TEAD1: variants seen among roughly 807,000 people sequenced by gnomAD.
TEAD1 encodes the protein transcriptional enhancer factor TEF-1.
A neutral mutation model predicts 54.9 loss-of-function variants in TEAD1; 9 were observed. The observed-to-expected ratio is 0.16, with a 90% CI of 0.10 to 0.29. TEAD1 has a LOEUF of 0.29. Ranked by LOEUF, TEAD1 falls within the 10% of genes least tolerant of loss-of-function variation. TEAD1 has a pLI of 1.00. For synonymous variants in TEAD1, 200 were observed against 187.8 expected, an observed-to-expected ratio of 1.07 and a Z score of -0.53; for missense variants, 387 against 535.9, an observed-to-expected ratio of 0.72 and a Z score of 2.74.
chr11:12,767,723 G>T (rs1020442023), intron 3 of TEAD1, among the ~76,000 whole-genome samples: 5 of 152,174 alleles, frequency 3.3e-5, no homozygotes, highest in African/African-American at 1.2e-4. Flanking sequence ...TCTGCTGTGG[G>T]CACCCTTATG....
intron 7 of TEAD1, 43 bp downstream of exon 7, chr11:12,881,094 C>T: frequency 6.2e-7 from 1 of 1,603,972 alleles, no homozygotes; most frequent in South Asian, 1.1e-5. Flanking sequence ...ACGGGCTGGT[C>T]CCAGCCCACG....
intron 2 of TEAD1, among the ~76,000 whole-genome samples, chr11:12,700,440 C>G (rs1943674915): frequency 6.6e-6 from 1 of 152,150 alleles, no homozygotes; most frequent in Admixed American, 6.5e-5. Flanking sequence ...ACCAGGTACT[C>G]AAGGTTTAAA....
At chr11:12,868,320 CCT>C (rs1219131032) in intron 5 of TEAD1, among the ~76,000 whole-genome samples, 3 of 152,288 alleles carry the variant, frequency 2.0e-5, no homozygotes, top group African/African-American at 7.2e-5. Context: ...TGAAAAGCCC[CCT>C]GTTTTAGGCA....
At chr11:12,922,997 C>T (rs1408128505) in intron 10 of TEAD1, 2 of 150,886 alleles carry the variant, frequency 1.3e-5, no homozygotes, top group African/African-American at 4.9e-5. Flanking sequence ...GTCAGATCCA[C>T]GTACCTCTGC....
At chr11:12,700,623 T>A (rs1401294830) in intron 2 of TEAD1, among the ~76,000 whole-genome samples, 2 of 152,184 alleles carry the variant, frequency 1.3e-5, no homozygotes, top group African/African-American at 2.4e-5. Flanking sequence ...ATAGGAGGAT[T>A]TCTAGAAATT....
At chr11:12,737,911 G>A (rs748416139) in intron 2 of TEAD1, among the ~76,000 whole-genome samples, 7 of 152,202 alleles carry the variant, frequency 4.6e-5, no homozygotes, top group Admixed American at 6.5e-5. Context: ...ACAGTTCCAT[G>A]TGGTTGGGGA....
intron 3 of TEAD1, among the ~76,000 whole-genome samples, chr11:12,776,777 TATTATTATTATTATTATTATTATC>T (rs1420915079): frequency 1.6e-4 from 20 of 126,556 alleles, no homozygotes; most frequent in African/African-American, 9.5e-4. Context: ...TTATTATTAT[TATTATTATTATTATTATTATTATC>T]ATTATTATTA....
At chr11:12,722,729 A>G (rs1461628299) in intron 2 of TEAD1, among the ~76,000 whole-genome samples, 2 of 151,964 alleles carry the variant, frequency 1.3e-5, no homozygotes, top group Admixed American at 1.3e-4. Context: ...TTCATCCAGA[A>G]CTAGCTCAGT....
intron 5 of TEAD1, among the ~76,000 whole-genome samples, chr11:12,877,000 T>G (rs1439808831): frequency 6.6e-6 from 1 of 152,180 alleles, no homozygotes; most frequent in Admixed American, 6.5e-5. Context: ...CCCATACACT[T>G]CAAGATTTGC....
intron 3 of TEAD1, among the ~76,000 whole-genome samples, chr11:12,859,043 A>T (rs1203144971): frequency 6.6e-6 from 1 of 152,208 alleles, no homozygotes; most frequent in East Asian, 1.9e-4. Context: ...ATTTTATGGG[A>T]CCACCATCAT....
At chr11:12,815,162 A>AG (rs1287513936) in intron 3 of TEAD1, among the ~76,000 whole-genome samples, 1 of 152,010 alleles carries the variant, frequency 6.6e-6, no homozygotes, top group East Asian at 1.9e-4. Context: ...CAAATCTCAG[A>AG]GGGGGTGAGT....
chr11:12,681,960 T>A (rs1360150696), intron 2 of TEAD1, among the ~76,000 whole-genome samples: 1 of 152,216 alleles, frequency 6.6e-6, no homozygotes, highest in African/African-American at 2.4e-5. Context: ...GTTCCCACCT[T>A]AGCATGTGCA....
intron 3 of TEAD1, among the ~76,000 whole-genome samples, chr11:12,853,482 A>G (rs1367273098): frequency 6.6e-6 from 1 of 152,216 alleles, no homozygotes; most frequent in Non-Finnish European, 1.5e-5. Context: ...TCAGAGGCAT[A>G]GTTACAGTGG....
intron 3 of TEAD1, among the ~76,000 whole-genome samples, chr11:12,844,773 T>C (rs1214893663): frequency 6.6e-6 from 1 of 152,046 alleles, no homozygotes; most frequent in African/African-American, 2.4e-5. Flanking sequence ...TAGGCAGGGC[T>C]TACCCAACGA....
chr11:12,764,856 C>T (rs184925133), intron 3 of TEAD1, among the ~76,000 whole-genome samples: 279 of 150,196 alleles, frequency 1.9e-3, no homozygotes, highest in African/African-American at 6.4e-3. Context: ...TTGATTGCCC[C>T]CAGCCCCCTT....
chr11:12,895,339 T>C (rs1948292349), intron 9 of TEAD1, among the ~76,000 whole-genome samples: 1 of 152,188 alleles, frequency 6.6e-6, no homozygotes, highest in Non-Finnish European at 1.5e-5. Flanking sequence ...TGGACATTTC[T>C]CCAAGTCAAA....
At chr11:12,876,036 C>T (rs1947848077) in intron 5 of TEAD1, among the ~76,000 whole-genome samples, 2 of 152,080 alleles carry the variant, frequency 1.3e-5, no homozygotes, top group African/African-American at 2.4e-5. Context: ...TCTCCGGACA[C>T]CCCAGTGGGT....
At chr11:12,679,431 A>G (rs758825658) in intron 2 of TEAD1, among the ~76,000 whole-genome samples, 1 of 152,200 alleles carries the variant, frequency 6.6e-6, no homozygotes, top group Admixed American at 6.5e-5. Flanking sequence ...GTCATCTCTA[A>G]TGGGAAATTC....
intron 3 of TEAD1, among the ~76,000 whole-genome samples, chr11:12,788,853 T>C (rs546359325): frequency 3.3e-5 from 5 of 152,330 alleles, no homozygotes; most frequent in Admixed American, 3.3e-4. Context: ...GACTAGAGAT[T>C]TTAGCTGTTT....
Sources: gnomAD v4.1 joint callset for allele counts (sites outside exome capture counted in the v4.1 genomes callset) on GRCh38, gnomAD v4.1.1 for gene constraint, MANE v1.5 for transcripts, NCBI Gene and HGNC (gene_info 2026-07-23, HGNC 2026-07-21) for gene names.